The following POT1 variants were observed in gnomAD, a reference collection of about 807,000 sequenced individuals.
POT1 encodes protection of telomeres protein 1.
Under a neutral mutation model 78.5 loss-of-function variants are expected in POT1, and 47 were observed. The observed-to-expected ratio is 0.60, with a 90% CI of 0.47 to 0.76. The LOEUF (loss-of-function observed/expected upper bound fraction) is 0.76. POT1 is among the 30% of genes least tolerant of loss of function. The pLI is 0.00. For missense variants in POT1, 646 were observed against 749.9 expected (o/e 0.86, Z 1.62); for synonymous variants, 259 against 260.7 (o/e 0.99, Z 0.06).
chr7:124,842,934 T>A lies in POT1; in HGVS notation c.1036A>T (p.Thr346Ser). The A allele has an allele frequency of 1.3e-6, 2 of 1,597,896 alleles. No individual in the cohort carries two copies. Among genetic ancestry groups the A allele is most frequent in the Non-Finnish European group, 1.7e-6 (2 of 1,175,018 alleles). ...TGTTTCAAAATGGCACATAGTGGTG[T>A]CCTCTCCAAATACTGATGATCTGTA... ...ILTDHQYLERTPLCAILKQKA... is the reference protein window; with the variant it reads ...ILTDHQYLERSPLCAILKQKA... Residue 346 changes from threonine to serine, a missense_variant, in exon 13 of 19, where the codon ACA (threonine) becomes TCA (serine). Thr to Ser is a moderately conservative substitution (Grantham distance 58, BLOSUM62 1). This residue lies in a region of POT1 where 394 missense variants were observed against 408.4 expected (regional missense o/e 0.96). Coordinates refer to ENST00000357628, the MANE Select transcript of POT1 (RefSeq NM_015450.3).
At chr7:124,832,945 G>A (rs555122060) in intron 15 of POT1, among the ~76,000 whole-genome samples, 9 of 152,010 alleles carry the variant, frequency 5.9e-5, no homozygotes, top group East Asian at 1.9e-4. Context: ...GACGCGTCAC[G>A]GTGCCCAGTA....
chr7:124,875,041 AGTTTTAG>A (rs1795956807), intron 6 of POT1, among the ~76,000 whole-genome samples: 1 of 152,120 alleles, frequency 6.6e-6, no homozygotes, highest in South Asian at 2.1e-4. Context: ...CATTGGCTCC[AGTTTTAG>A]GTTTTAAGTT....
intron 17 of POT1, among the ~76,000 whole-genome samples, 184 bp from the exon 18 acceptor site, chr7:124,825,541 T>G (rs1485680240): frequency 2.6e-5 from 4 of 152,148 alleles, no homozygotes; most frequent in Non-Finnish European, 1.5e-5. Flanking sequence ...TACTCTTTAA[T>G]CTTAAAATAG....
intron 6 of POT1, among the ~76,000 whole-genome samples, chr7:124,886,277 C>T (rs68091803): frequency 0.2 from 30,343 of 152,096 alleles, 3,767 homozygotes; most frequent in East Asian, 0.3. Context: ...TTTTCCACCA[C>T]ATAACTAGCT....
intron 17 of POT1, 67 bp downstream of exon 17, chr7:124,827,147 T>C (rs773722599): frequency 1.0e-4 from 94 of 910,120 alleles, no homozygotes; most frequent in Non-Finnish European, 1.3e-4. Flanking sequence ...CAGGTATGAA[T>C]AAATGTATTC....
chr7:124,871,343 A>G (rs777486768), intron 6 of POT1, among the ~76,000 whole-genome samples: 21 of 152,144 alleles, frequency 1.4e-4, no homozygotes, highest in Non-Finnish European at 1.5e-4. Context: ...ATCATGAAAC[A>G]TAAATGTAGT....
Position 124,851,780 on chromosome 7 carries a change from A to G in POT1, c.949+92T>C, listed in dbSNP as rs963097950. On this transcript the variant is annotated intron_variant, in intron 11 of 18. Transcript: ENST00000357628. ...TCTACTACATGAAATTATTAATAAG[A>G]GAGACAAAGAGAAGACATTACAAAG... 1.1e-5 allele frequency: 10 copies of G among 908,624 alleles called. No individual in the cohort carries two copies. The African/African-American group carries it at 1.2e-4, about 11-fold the overall frequency. 56.3% of individuals were successfully genotyped at this position (908,624 alleles called of 1,614,324 possible).
chr7:124,842,089 T>C (rs1241305658), intron 13 of POT1, among the ~76,000 whole-genome samples: 1 of 152,048 alleles, frequency 6.6e-6, no homozygotes. Flanking sequence ...CATAGATATT[T>C]ACACATTGTA....
chr7:124,831,001 T>C (rs1249153555), intron 15 of POT1, among the ~76,000 whole-genome samples: 1 of 152,110 alleles, frequency 6.6e-6, no homozygotes, highest in Non-Finnish European at 1.5e-5. Context: ...AGGCAAAAGA[T>C]GTGAACATGG....
chr7:124,922,216 AT>A (rs1471512793), intron 2 of POT1, among the ~76,000 whole-genome samples: 18 of 152,090 alleles, frequency 1.2e-4, no homozygotes, highest in African/African-American at 3.9e-4. Context: ...AAGAGAAGTT[AT>A]CCCCAGCTGA....
intron 3 of POT1, among the ~76,000 whole-genome samples, chr7:124,906,960 AAGCTT>A (rs1434055539): frequency 6.6e-6 from 1 of 152,126 alleles, no homozygotes; most frequent in African/African-American, 2.4e-5. Context: ...GGGGTGTTCT[AAGCTT>A]CTGAGAAGAG....
At chr7:124,914,984 C>T (rs1236726145) in intron 3 of POT1, among the ~76,000 whole-genome samples, 3 of 152,080 alleles carry the variant, frequency 2.0e-5, no homozygotes, top group Non-Finnish European at 4.4e-5. Flanking sequence ...CCTTAACTTG[C>T]TTTTTCTTCA....
chr7:124,856,818 A>C (rs118171199), intron 9 of POT1, among the ~76,000 whole-genome samples: 1 of 152,200 alleles, frequency 6.6e-6, no homozygotes, highest in Non-Finnish European at 1.5e-5. Context: ...CCAGAACTGA[A>C]CTTATCATAT....
chr7:124,850,247 T>C (rs115618933), intron 11 of POT1, among the ~76,000 whole-genome samples: 2,597 of 152,156 alleles, frequency 0.017, 72 homozygotes, highest in African/African-American at 0.059. Flanking sequence ...ACAGAGAGAA[T>C]GAAGAAAATA....
intron 3 of POT1, among the ~76,000 whole-genome samples, chr7:124,913,000 G>A (rs1038348189): frequency 6.6e-6 from 1 of 152,180 alleles, no homozygotes; most frequent in Non-Finnish European, 1.5e-5. Context: ...CATAATCAAG[G>A]CGGAAGGCAA....
chr7:124,862,304 C>G (rs1340178323), intron 8 of POT1, among the ~76,000 whole-genome samples: 1 of 152,090 alleles, frequency 6.6e-6, no homozygotes, highest in African/African-American at 2.4e-5. Context: ...TAGAATATGC[C>G]TCAGTGCATA....
chr7:124,826,388 T>C (rs910284367), intron 17 of POT1, among the ~76,000 whole-genome samples: 1 of 152,184 alleles, frequency 6.6e-6, no homozygotes, highest in African/African-American at 2.4e-5. Context: ...ACTGTCAGTA[T>C]AACAGTTTTC....
intron 15 of POT1, among the ~76,000 whole-genome samples, chr7:124,832,272 A>AG (rs1355440007): frequency 6.6e-6 from 1 of 151,158 alleles, no homozygotes; most frequent in East Asian, 1.9e-4. Flanking sequence ...AAAAAAAAAA[A>AG]AAGTCTGAAA....
chr7:124,856,450 T>C (rs546371262), intron 9 of POT1, among the ~76,000 whole-genome samples: 1 of 139,936 alleles, frequency 7.1e-6, no homozygotes, highest in South Asian at 2.2e-4. Flanking sequence ...CCATACATTT[T>C]CTTAATTATG....
Sources: allele counts gnomAD v4.1 joint callset (sites outside exome capture counted in the v4.1 genomes callset), GRCh38; gene constraint gnomAD v4.1.1; regional missense constraint gnomAD v4.1.1; transcripts MANE v1.5; gene names NCBI Gene and HGNC (gene_info 2026-07-23, HGNC 2026-07-21).